Variants in AQP11 observed in about 807,000 individuals in gnomAD.
AQP11 encodes the protein aquaporin-11.
A neutral mutation model predicts 21.1 loss-of-function variants in AQP11; 20 were observed. That is an observed-to-expected ratio of 0.95 (90% CI 0.67 to 1.38). AQP11 has a LOEUF of 1.38. AQP11 is among the 40% of genes most tolerant of loss of function. The pLI is 0.00. For synonymous variants in AQP11, 167 were observed against 150.1 expected, an observed-to-expected ratio of 1.11 and a Z score of -0.82; for missense variants, 339 against 340.4, an observed-to-expected ratio of 1.00 and a Z score of 0.03.
chr11:77,601,105 C>T (rs1170186571), intron 1 of AQP11, among the ~76,000 whole-genome samples: 1 of 152,050 alleles, frequency 6.6e-6, no homozygotes, highest in Non-Finnish European at 1.5e-5. Flanking sequence ...GACAGTTTTC[C>T]CCCCAGGGGA....
At position 77,590,505 on chromosome 11, in the gene AQP11, C is replaced by T. The variant is rs763392772; in HGVS notation, c.513C>T (p.Ala171=). The T allele has an allele frequency of 6.2e-7, 1 of 1,614,022 alleles. No individual in the cohort carries two copies. The highest frequency in any genetic ancestry group is 2.2e-5 in the East Asian group (1 of 44,872). The change falls in exon 1 of 3, where the codon GCC becomes GCT. Residue 171 remains alanine, a synonymous_variant. Coordinates refer to ENST00000313578, the MANE Select transcript of AQP11 (RefSeq NM_173039.3). ...VDLLKAVITE[A]VCSFLFHSAL... is the part of the protein sequence containing the mutation. ...TGCTCAAAGCGGTCATCACAGAGGCCGTCTGCTCCTTTCTCTTCCACAGCG... is the reference window on the plus strand; with the variant it reads ...TGCTCAAAGCGGTCATCACAGAGGCTGTCTGCTCCTTTCTCTTCCACAGCG...
At chr11:77,608,390 AG>A (rs1590788097) in intron 2 of AQP11, among the ~76,000 whole-genome samples, 1 of 152,304 alleles carries the variant, frequency 6.6e-6, no homozygotes, top group South Asian at 2.1e-4. Context: ...TGGGAGGCCA[AG>A]GGGGGTGGAT....
chr11:77,596,537 A>AATATATATATATATATATATATATATAT lies in AQP11; in HGVS notation c.619+5952_619+5953insATATATATATATATATATATATATATAT, dbSNP rs529433093. On this transcript the variant is annotated intron_variant, in intron 1 of 2. Coordinates refer to ENST00000313578, the MANE Select transcript of AQP11 (RefSeq NM_173039.3). ...AAATATATATGTAAATATATATGTA[A>AATATATATATATATATATATATATATAT]ATATATATATATATATATATATATA... Among the ~76,000 whole-genome samples, 382 of 86,472 alleles carry AATATATATATATATATATATATATATAT rather than the reference A, an allele frequency of 4.4e-3. 31 individuals are homozygous for AATATATATATATATATATATATATATAT. Among genetic ancestry groups the AATATATATATATATATATATATATATAT allele is most frequent in the Non-Finnish European group, 6.5e-3 (284 of 43,448 alleles). 56.7% of individuals were successfully genotyped at this position (86,472 alleles called of 152,430 possible).
Position 77,589,999 on chromosome 11 carries a change from C to T in AQP11, c.7C>T (p.Pro3Ser), listed in dbSNP as rs377635614. The T allele has an allele frequency of 2.2e-5, 33 of 1,488,396 alleles. No homozygotes were observed. Among genetic ancestry groups the T allele is most frequent in the African/African-American group, 2.9e-5 (2 of 70,158 alleles). The allele number at this position is 1,488,396 out of a possible 1,614,324, so 92.2% of individuals were successfully genotyped here. A position where few individuals can be genotyped will look rare whatever the true frequency, so the allele number is the denominator to read the frequency against. MS[P>S]LLGLRSELQD... is the part of the protein sequence containing the mutation. ...CTCAGGCGGCGACGGAGCCATGTCG[C>T]CGCTGCTGGGGCTCCGGTCCGAGCT... The change falls in exon 1 of 3, where the codon CCG becomes TCG. Residue 3 changes from proline (P) to serine (S), a missense_variant. Transcript: ENST00000313578.
chr11:77,603,823 G>T, intron 2 of AQP11, 151 bp downstream of exon 2: 1 of 555,062 alleles, frequency 1.8e-6, no homozygotes, highest in Admixed American at 3.4e-5. Context: ...ATAATACTTT[G>T]TGTAGTATCC....
In AQP11 at chr11:77,590,095, G is replaced by A. The variant is rs147231654; in HGVS notation, c.103G>A (p.Ala35Thr). ...GCTCATGGGGCTGGCCCGCGTAGTC[G>A]CCCGGCAGCAGCTGCACAGGCCGGT... ...VLLMGLARVV[A>T]RQQLHRPVAH... The change falls in exon 1 of 3, where the codon GCC becomes ACC. Residue 35 changes from alanine (A) to threonine (T), a missense_variant. Ala to Thr is a moderately conservative substitution (Grantham distance 58). Transcript: ENST00000313578. 85 of 1,607,108 alleles carry A rather than the reference G, an allele frequency of 5.3e-5. No homozygotes were observed. Among genetic ancestry groups the A allele is most frequent in the Non-Finnish European group, 7.0e-5 (82 of 1,179,480 alleles).
At chr11:77,607,129 AATG>A (rs1163178743) in intron 2 of AQP11, among the ~76,000 whole-genome samples, 1 of 152,170 alleles carries the variant, frequency 6.6e-6, no homozygotes, top group African/African-American at 2.4e-5. Flanking sequence ...TATGTGAATA[AATG>A]ATGATTTTTA....
chr11:77,599,221 G>A (rs1303088596), intron 1 of AQP11, among the ~76,000 whole-genome samples: 2 of 150,996 alleles, frequency 1.3e-5, no homozygotes, highest in Non-Finnish European at 3.0e-5. Flanking sequence ...CCCCGGAGTA[G>A]CTGGGATTAT....
At chr11:77,609,229 T>C (rs1203495824) in intron 2 of AQP11, 69 bp from the exon 3 acceptor site, 1 of 1,182,484 alleles carries the variant, frequency 8.5e-7, no homozygotes, top group Non-Finnish European at 1.2e-6. Flanking sequence ...AATTTTAAAA[T>C]ATACCCACCT....
At chr11:77,596,402 G>A (rs535848646) in intron 1 of AQP11, among the ~76,000 whole-genome samples, 2 of 147,482 alleles carry the variant, frequency 1.4e-5, no homozygotes, top group East Asian at 4.0e-4. Flanking sequence ...TATCACACCA[G>A]TGCACTCCAG....
chr11:77,592,871 C>T (rs1367050198), intron 1 of AQP11, among the ~76,000 whole-genome samples: 1 of 152,194 alleles, frequency 6.6e-6, no homozygotes, highest in African/African-American at 2.4e-5. Flanking sequence ...GCTCTTTAAA[C>T]GTCCTTGTTC....
Position 77,590,431 on chromosome 11 carries a change from C to T in AQP11, c.439C>T (p.His147Tyr), listed in dbSNP as rs1184154429. ...ALWSLGLTQY[H>Y]VSERSFACKN... The stretch of plus-strand genomic sequence containing the variant: ...GTGGAGCTTGGGTCTGACCCAGTAT[C>T]ACGTCAGCGAGAGGAGCTTCGCTTG... The change falls in exon 1 of 3, where the codon CAC (histidine) becomes TAC (tyrosine). Residue 147 changes from histidine to tyrosine, a missense_variant. His to Tyr is a moderately conservative substitution (Grantham distance 83). Coordinates refer to ENST00000313578, the MANE Select transcript of AQP11 (RefSeq NM_173039.3). 1.2e-6 allele frequency: 2 copies of T among 1,614,072 alleles called. No homozygotes were observed. The highest frequency in any genetic ancestry group is 3.3e-5 in the Admixed American group (2 of 60,020).
intron 1 of AQP11, among the ~76,000 whole-genome samples, chr11:77,599,213 C>A (rs983997318): frequency 6.6e-6 from 1 of 150,706 alleles, no homozygotes; most frequent in African/African-American, 2.4e-5. Context: ...CTTTTTGCCC[C>A]CGGAGTAGCT....
intron 1 of AQP11, among the ~76,000 whole-genome samples, chr11:77,591,779 C>T (rs1958749581): frequency 6.6e-6 from 1 of 152,194 alleles, no homozygotes; most frequent in East Asian, 1.9e-4. Context: ...GAATCTGAGG[C>T]GGGAGAATTG....
rs760550947 is a variant in AQP11, at chr11:77,607,959, A to AT, written c.737-1326dup. 2.8e-3 allele frequency among the ~76,000 whole-genome samples: 403 copies of AT among 143,988 alleles called. 2 individuals are homozygous for AT. The highest frequency in any genetic ancestry group is 5.6e-3 in the African/African-American group (220 of 39,512). 94.5% of individuals were successfully genotyped at this position (143,988 alleles called of 152,430 possible). A position where few individuals can be genotyped will look rare whatever the true frequency, so the allele number is the denominator to read the frequency against. ...TCAGTTAACATAGAGGTTGTTTCTGATTTTTTTTTTTTTCATTTAAAGCCT... is the reference window on the plus strand; with the variant it reads ...TCAGTTAACATAGAGGTTGTTTCTGATTTTTTTTTTTTTTCATTTAAAGCCT... On this transcript the variant is annotated intron_variant, in intron 2 of 2. Coordinates refer to ENST00000313578, the MANE Select transcript of AQP11 (RefSeq NM_173039.3).
chr11:77,600,727 G>T (rs1189184804), intron 1 of AQP11, among the ~76,000 whole-genome samples: 2 of 152,104 alleles, frequency 1.3e-5, no homozygotes, highest in African/African-American at 4.8e-5. Context: ...AACCAATCTT[G>T]TAGGGCCGGG....
At position 77,590,103 on chromosome 11, in the gene AQP11, G is replaced by T; in HGVS notation, c.111G>T (p.Gln37His). 1 of 1,607,594 alleles carries T rather than the reference G, an allele frequency of 6.2e-7. No individual in the cohort carries two copies. Among genetic ancestry groups the T allele is most frequent in the Non-Finnish European group, 8.5e-7 (1 of 1,179,598 alleles). ...GGCTGGCCCGCGTAGTCGCCCGGCA[G>T]CAGCTGCACAGGCCGGTGGCCCACG... ...LMGLARVVAR[Q>H]QLHRPVAHAF... Residue 37 changes from glutamine to histidine, a missense_variant, in exon 1 of 3, where the codon CAG becomes CAT. Transcript: ENST00000313578.
chr11:77,603,738 CA>C (rs1958829040), intron 2 of AQP11, 66 bp downstream of exon 2: 7 of 1,148,950 alleles, frequency 6.1e-6, no homozygotes, highest in Non-Finnish European at 8.5e-6. Context: ...ATGTGTATAT[CA>C]TTGTAACATG....
intron 1 of AQP11, among the ~76,000 whole-genome samples, chr11:77,600,784 G>A (rs947952461): frequency 2.0e-5 from 3 of 152,106 alleles, no homozygotes; most frequent in African/African-American, 4.8e-5. Context: ...AGGCCGAGGC[G>A]GGCGGATCAC....
Sources: gnomAD v4.1 joint callset for allele counts (sites outside exome capture counted in the v4.1 genomes callset) on GRCh38, gnomAD v4.1.1 for gene constraint, MANE v1.5 for transcripts, NCBI Gene and HGNC (gene_info 2026-07-23, HGNC 2026-07-21) for gene names.